Variants in ZCCHC7 observed in about 807,000 individuals in gnomAD.
ZCCHC7 encodes zinc finger CCHC-type containing 7.
Under a neutral mutation model 52.0 loss-of-function variants are expected in ZCCHC7, and 35 were observed. The observed-to-expected ratio is 0.67, with a 90% CI of 0.51 to 0.89. The LOEUF is 0.89. Among genes scored for constraint, ZCCHC7 ranks in the 40% least tolerant of loss-of-function variants. The probability of loss-of-function intolerance (pLI) is 0.00; values close to 1 mark genes in which losing one functional copy is unlikely to be tolerated. For missense variants in ZCCHC7, 574 were observed against 649.1 expected (o/e 0.88, Z 1.26); for synonymous variants, 217 against 221.5 (o/e 0.98, Z 0.18).
chr9:37,156,359 T>A (rs1820814073), intron 2 of ZCCHC7, among the ~76,000 whole-genome samples: 2 of 152,188 alleles, frequency 1.3e-5, no homozygotes, highest in South Asian at 4.1e-4. Flanking sequence ...AAAAGGTTGT[T>A]TTAGCTGTTT....
chr9:37,126,874 G>T lies in ZCCHC7; in HGVS notation c.542G>T (p.Cys181Phe), dbSNP rs560548483. 1 of 1,614,166 alleles carries T rather than the reference G, an allele frequency of 6.2e-7. No homozygotes were observed. Among genetic ancestry groups the T allele is most frequent in the African/African-American group, 1.3e-5 (1 of 75,048 alleles). Residue 181 changes from cysteine (C) to phenylalanine (F), a missense_variant, in exon 2 of 9, where the codon TGT (cysteine) becomes TTT (phenylalanine). By Grantham distance (205) the Cys-to-Phe change is radical. Transcript: ENST00000336755. ...DNVESWMLLG[C>F]EVDDKDDDIL... Reference sequence around the variant, plus strand: ...GTGGAAAGCTGGATGCTACTGGGATGTGAAGTAGATGATAAAGATGATGAT... The same window carrying T: ...GTGGAAAGCTGGATGCTACTGGGATTTGAAGTAGATGATAAAGATGATGAT...
At chr9:37,179,840 A>G (rs534087258) in intron 2 of ZCCHC7, among the ~76,000 whole-genome samples, 4 of 152,294 alleles carry the variant, frequency 2.6e-5, no homozygotes, top group South Asian at 2.1e-4. Flanking sequence ...TTACCCCTCA[A>G]TGATGAGTGC....
chr9:37,258,016 T>C (rs1023471140), intron 2 of ZCCHC7, among the ~76,000 whole-genome samples: 1 of 152,222 alleles, frequency 6.6e-6, no homozygotes, highest in Admixed American at 6.5e-5. Context: ...AACTATACTT[T>C]GTATTCTAGT....
intron 2 of ZCCHC7, among the ~76,000 whole-genome samples, chr9:37,157,056 A>C (rs1308051684): frequency 6.6e-6 from 1 of 151,804 alleles, no homozygotes; most frequent in Non-Finnish European, 1.5e-5. Context: ...GTTTGTACTG[A>C]TAATGTGGAA....
chr9:37,328,875 G>GTTTC (rs1332231014), intron 6 of ZCCHC7, among the ~76,000 whole-genome samples: 3 of 151,874 alleles, frequency 2.0e-5, no homozygotes, highest in Admixed American at 1.3e-4. Flanking sequence ...AAGATTTTCA[G>GTTTC]TAGAAAGCTG....
intron 2 of ZCCHC7, among the ~76,000 whole-genome samples, chr9:37,211,535 T>C (rs541143658): frequency 1.3e-5 from 2 of 152,258 alleles, no homozygotes; most frequent in Admixed American, 1.3e-4. Context: ...TGCAGATAAG[T>C]AGTATGTTTT....
intron 2 of ZCCHC7, among the ~76,000 whole-genome samples, chr9:37,243,818 GAAACATT>G (rs1825971321): frequency 6.6e-6 from 1 of 151,798 alleles, no homozygotes. Context: ...AGTTCAAGTG[GAAACATT>G]AACTAGTCTA....
chr9:37,267,655 C>T (rs1022994451), intron 2 of ZCCHC7, among the ~76,000 whole-genome samples: 9 of 150,768 alleles, frequency 6.0e-5, no homozygotes, highest in Admixed American at 4.6e-4. Context: ...CTGCAAGCTC[C>T]GCCTCCCAGC....
intron 2 of ZCCHC7, among the ~76,000 whole-genome samples, chr9:37,169,013 C>A (rs946482882): frequency 6.6e-6 from 1 of 152,136 alleles, no homozygotes; most frequent in Non-Finnish European, 1.5e-5. Context: ...TAATTCTCTG[C>A]CGTTTGTGTA....
At chr9:37,241,511 T>A (rs1256457586) in intron 2 of ZCCHC7, among the ~76,000 whole-genome samples, 1 of 151,848 alleles carries the variant, frequency 6.6e-6, no homozygotes, top group African/African-American at 2.4e-5. Context: ...ATCTCCAATT[T>A]CCTATTCTGA....
intron 5 of ZCCHC7, among the ~76,000 whole-genome samples, chr9:37,317,711 G>A (rs1304175913): frequency 6.6e-6 from 1 of 151,998 alleles, no homozygotes; most frequent in African/African-American, 2.4e-5. Flanking sequence ...GAAAATGGGA[G>A]CAAGAAAGTA....
chr9:37,304,531 C>A (rs1460719386), intron 4 of ZCCHC7, among the ~76,000 whole-genome samples: 1 of 152,026 alleles, frequency 6.6e-6, no homozygotes. Flanking sequence ...ATGGCGGGCG[C>A]CTGTAGTCCC....
intron 2 of ZCCHC7, among the ~76,000 whole-genome samples, chr9:37,284,627 C>G (rs909919387): frequency 2.0e-5 from 3 of 152,068 alleles, no homozygotes; most frequent in African/African-American, 7.2e-5. Flanking sequence ...TATATTACCT[C>G]TGCAGGAGCT....
intron 2 of ZCCHC7, among the ~76,000 whole-genome samples, chr9:37,227,566 C>T (rs920498743): frequency 6.6e-6 from 1 of 152,120 alleles, no homozygotes; most frequent in African/African-American, 2.4e-5. Flanking sequence ...TACCATCCAA[C>T]CCAGGAGTTC....
intron 6 of ZCCHC7, among the ~76,000 whole-genome samples, chr9:37,347,906 A>G (rs558662902): frequency 4.9e-4 from 74 of 152,308 alleles, no homozygotes; most frequent in Non-Finnish European, 9.6e-4. Context: ...AAACAACTCT[A>G]AAGTCTGTTA....
chr9:37,324,331 G>A (rs1167647800), intron 5 of ZCCHC7, among the ~76,000 whole-genome samples: 7 of 152,152 alleles, frequency 4.6e-5, no homozygotes, highest in East Asian at 1.9e-4. Flanking sequence ...GGCTGGCCGC[G>A]CTCTCATTAA....
intron 6 of ZCCHC7, among the ~76,000 whole-genome samples, chr9:37,337,075 T>G (rs553282126): frequency 6.6e-6 from 1 of 152,244 alleles, no homozygotes; most frequent in Admixed American, 6.5e-5. Flanking sequence ...GCCTGGCTGA[T>G]TAATGAACTT....
At chr9:37,305,809 C>A in intron 5 of ZCCHC7, 95 bp downstream of exon 5, 2 of 1,309,456 alleles carry the variant, frequency 1.5e-6, no homozygotes, top group Non-Finnish European at 2.1e-6. Context: ...GTCAGCATAC[C>A]TAAAGGAATG....
intron 2 of ZCCHC7, among the ~76,000 whole-genome samples, chr9:37,128,849 T>C (rs1842647088): frequency 6.6e-6 from 1 of 152,240 alleles, no homozygotes; most frequent in Non-Finnish European, 1.5e-5. Flanking sequence ...TGGAGCAAGA[T>C]GACAGAAACA....
Sources: gnomAD v4.1 joint callset for allele counts (sites outside exome capture counted in the v4.1 genomes callset) on GRCh38, gnomAD v4.1.1 for gene constraint, MANE v1.5 for transcripts, NCBI Gene and HGNC (gene_info 2026-07-23, HGNC 2026-07-21) for gene names.